The following CR1 variants were observed in gnomAD, a reference collection of about 807,000 sequenced individuals.
CR1 encodes complement receptor type 1.
In CR1, 116 loss-of-function variants were observed where a neutral mutation model predicts 187.3. That is an observed-to-expected ratio of 0.62 (90% CI 0.53 to 0.72). The LOEUF is 0.72. Among genes scored for constraint, CR1 ranks in the 30% least tolerant of loss-of-function variants. The probability of loss-of-function intolerance (pLI) is 0.00; values close to 1 mark genes in which losing one functional copy is unlikely to be tolerated. For synonymous variants in CR1, 576 were observed against 747.1 expected, an observed-to-expected ratio of 0.77 and a Z score of 3.73; for missense variants, 1,731 against 2,110.7, an observed-to-expected ratio of 0.82 and a Z score of 3.52.
At chr1:207,498,095 C>T (rs1208017721) in intron 1 of CR1, among the ~76,000 whole-genome samples, 4 of 152,242 alleles carry the variant, frequency 2.6e-5, no homozygotes, top group African/African-American at 9.6e-5. Context: ...TAAGTCACAT[C>T]ACTGACCTTC....
At chr1:207,518,152 T>C (rs1659861514) in intron 4 of CR1, among the ~76,000 whole-genome samples, 1 of 152,180 alleles carries the variant, frequency 6.6e-6, no homozygotes, top group Non-Finnish European at 1.5e-5. Context: ...ATTTTTATTA[T>C]CATTGTACAT....
At chr1:207,638,058 A>G (rs1387951326) in intron 46 of CR1, among the ~76,000 whole-genome samples, 1 of 152,250 alleles carries the variant, frequency 6.6e-6, no homozygotes, top group African/African-American at 2.4e-5. Flanking sequence ...AAAAATTTAA[A>G]GTATAGAGTG....
intron 45 of CR1, among the ~76,000 whole-genome samples, 194 bp downstream of exon 45, chr1:207,623,262 T>C (rs1249648150): frequency 1.7e-5 from 2 of 120,984 alleles, no homozygotes; most frequent in South Asian, 5.9e-4. Flanking sequence ...CTAAGAACAA[T>C]TAAAAAATAA....
intron 28 of CR1, among the ~76,000 whole-genome samples, 167 bp downstream of exon 28, chr1:207,575,847 T>A (rs1181228867): frequency 6.6e-6 from 1 of 152,088 alleles, no homozygotes; most frequent in Admixed American, 6.5e-5. Context: ...ACTTCCGCCT[T>A]CACCTAGAAA....
chr1:207,587,814 C>T (rs1033623478), intron 34 of CR1, among the ~76,000 whole-genome samples: 1 of 152,210 alleles, frequency 6.6e-6, no homozygotes, highest in East Asian at 1.9e-4. Flanking sequence ...TCTATATTTG[C>T]CCAAGATATT....
At chr1:207,633,470 C>T (rs573959332) in intron 46 of CR1, among the ~76,000 whole-genome samples, 1 of 152,102 alleles carries the variant, frequency 6.6e-6, no homozygotes, top group Admixed American at 6.6e-5. Flanking sequence ...AAACATTTCT[C>T]CCATCATTAT....
At chr1:207,522,210 G>A (rs1660020721) in intron 4 of CR1, among the ~76,000 whole-genome samples, 1 of 152,144 alleles carries the variant, frequency 6.6e-6, no homozygotes, top group African/African-American at 2.4e-5. Context: ...TGTTTCTGCA[G>A]GCATCTGGGG....
intron 40 of CR1, among the ~76,000 whole-genome samples, chr1:207,614,917 C>T (rs532213649): frequency 6.6e-6 from 1 of 152,118 alleles, no homozygotes; most frequent in Non-Finnish European, 1.5e-5. Context: ...TCAAATGACC[C>T]TCGCACCTCA....
chr1:207,580,399 A>C lies in CR1; in HGVS notation c.5096A>C (p.Glu1699Ala). The C allele has an allele frequency of 6.2e-7, 1 of 1,613,760 alleles. No homozygotes were observed. Among genetic ancestry groups the C allele is most frequent in the Non-Finnish European group, 8.5e-7 (1 of 1,179,812 alleles). Reference protein sequence around the residue: ...HCTPQGDWSPEAPRCAVKSCD... With the variant: ...HCTPQGDWSPAAPRCAVKSCD... ...ACACCCCAGGGAGACTGGAGCCCTG[A>C]AGCCCCGAGATGTGCAGGTGCCTCA... Residue 1699 changes from glutamate to alanine, a missense_variant, in exon 30 of 47, where the codon GAA becomes GCA. Transcript: ENST00000367049.
intron 40 of CR1, among the ~76,000 whole-genome samples, 170 bp from the exon 41 acceptor site, chr1:207,616,404 CT>C (rs924980280): frequency 6.6e-6 from 1 of 152,212 alleles, no homozygotes; most frequent in Non-Finnish European, 1.5e-5. Flanking sequence ...TTAGGTCTCA[CT>C]TCAGTTAGTT....
chr1:207,620,776 G>T (rs1264374041), intron 43 of CR1, among the ~76,000 whole-genome samples: 1 of 151,956 alleles, frequency 6.6e-6, no homozygotes, highest in Admixed American at 6.6e-5. Context: ...AATTATATTT[G>T]CTTTTTTGGC....
At position 207,609,483 on chromosome 1, in the gene CR1, C is replaced by A; in HGVS notation, c.6090C>A (p.Ser2030Arg). Residue 2030 changes from serine to arginine, a missense_variant, in exon 37 of 47, where the codon AGC becomes AGA. Coordinates refer to ENST00000367049, the MANE Select transcript of CR1 (RefSeq NM_000651.6). ...ATGATCAAGTTGGTGTTTGGAGCAG[C>A]CCTCCCCCTCGGTGTATTTCTACTA... is the stretch of plus-strand genomic sequence containing the variant. ...SKDDQVGVWS[S>R]PPPRCISTNK... The A allele has an allele frequency of 6.2e-7, 1 of 1,613,956 alleles. No homozygotes were observed. Among genetic ancestry groups the A allele is most frequent in the East Asian group, 2.2e-5 (1 of 44,878 alleles).
In CR1 at chr1:207,618,184, G is replaced by C; in HGVS notation, c.7003G>C (p.Gly2335Arg). The C allele has an allele frequency of 6.2e-7, 1 of 1,613,776 alleles. No homozygotes were observed. The change falls in exon 42 of 47, where the codon GGA (glycine) becomes CGA (arginine). Residue 2335 changes from glycine (G) to arginine (R), a missense_variant. Transcript: ENST00000367049. The part of the protein sequence containing the change: ...YICDPGYLLV[G>R]KGFIFCTDQG... ...TTGTGACCCCGGCTACCTGTTAGTG[G>C]GAAAGGGCTTCATTTTCTGTACAGA...
chr1:207,616,629 C>G lies in CR1; in HGVS notation c.6716C>G (p.Pro2239Arg). The G allele has an allele frequency of 1.2e-6, 2 of 1,613,746 alleles. No individual in the cohort carries two copies. Among genetic ancestry groups the G allele is most frequent in the Non-Finnish European group, 8.5e-7 (1 of 1,179,724 alleles). The change falls in exon 41 of 47, where the codon CCC becomes CGC. Residue 2239 changes from proline (P) to arginine (R), a missense_variant. Physicochemically the swap from Pro to Arg is moderately radical, Grantham distance 103. This residue lies in a region of CR1 where 1,312 missense variants were observed against 1,379.6 expected (regional missense o/e 0.95). Coordinates refer to ENST00000367049, the MANE Select transcript of CR1 (RefSeq NM_000651.6). ...AILNGRHTGT[P>R]FGDIPYGKEI... The stretch of plus-strand genomic sequence containing the variant: ...CTTAATGGGAGACACACAGGAACTC[C>G]CTTTGGAGATATTCCCTATGGAAAA...
chr1:207,607,941 C>T (rs920888778), intron 36 of CR1, among the ~76,000 whole-genome samples: 1 of 152,144 alleles, frequency 6.6e-6, no homozygotes, highest in Non-Finnish European at 1.5e-5. Context: ...GTGAAGAAGT[C>T]GTCATCGCAC....
intron 1 of CR1, among the ~76,000 whole-genome samples, chr1:207,501,790 A>AT (rs1275675968): frequency 6.6e-6 from 1 of 152,202 alleles, no homozygotes; most frequent in Non-Finnish European, 1.5e-5. Context: ...GGCACTTCAC[A>AT]TGGAATCTCT....
intron 46 of CR1, among the ~76,000 whole-genome samples, chr1:207,638,541 G>A (rs142373331): frequency 1.0e-3 from 159 of 152,278 alleles, no homozygotes; most frequent in African/African-American, 3.4e-3. Context: ...GGCCTTACAC[G>A]CAGGTCTGTT....
intron 46 of CR1, among the ~76,000 whole-genome samples, chr1:207,637,178 T>A (rs934899864): frequency 2.0e-5 from 3 of 152,122 alleles, no homozygotes; most frequent in African/African-American, 7.3e-5. Context: ...TTTTTCTCCC[T>A]ATTCCCAAGG....
In CR1 at chr1:207,631,052, A is replaced by C. The variant is rs1454229310; in HGVS notation, c.7457+431A>C. 3.3e-5 allele frequency among the ~76,000 whole-genome samples: 5 copies of C among 152,016 alleles called. No homozygotes were observed. The South Asian group carries it at 1.0e-3, about 32-fold the overall frequency. On this transcript the variant is annotated intron_variant, in intron 46 of 46. Coordinates refer to ENST00000367049, the MANE Select transcript of CR1 (RefSeq NM_000651.6). Reference sequence around the variant, plus strand: ...CCAACCCCCTTGATTTCTGACTTCCACTGAATTCTCTACTTCATTTGGCCT... The same window carrying C: ...CCAACCCCCTTGATTTCTGACTTCCCCTGAATTCTCTACTTCATTTGGCCT...
Sources: allele counts gnomAD v4.1 joint callset (sites outside exome capture counted in the v4.1 genomes callset), GRCh38; gene constraint gnomAD v4.1.1; regional missense constraint gnomAD v4.1.1; transcripts MANE v1.5; gene names NCBI Gene and HGNC (gene_info 2026-07-23, HGNC 2026-07-21).